The following PIWIL1 variants were observed in gnomAD, a reference collection of about 807,000 sequenced individuals.
PIWIL1 encodes the protein piwi-like protein 1.
Under a neutral mutation model 114.4 loss-of-function variants are expected in PIWIL1, and 73 were observed. The ratio of observed to expected loss-of-function variants is 0.64; its 90% confidence interval spans 0.53 to 0.78. PIWIL1 has a LOEUF of 0.78. Among genes scored for constraint, PIWIL1 ranks in the 30% least tolerant of loss-of-function variants. The probability of loss-of-function intolerance (pLI) is 0.00; values close to 1 mark genes in which losing one functional copy is unlikely to be tolerated. For missense variants in PIWIL1, 723 were observed against 1,063.1 expected, an observed-to-expected ratio of 0.68 and a Z score of 4.45; for synonymous variants, 375 against 369.0, an observed-to-expected ratio of 1.02 and a Z score of -0.19.
At chr12:130,401,167 G>C in the PIWIL1 span, among the ~76,000 whole-genome samples, 1 of 151,968 alleles carries the variant, frequency 6.6e-6, no homozygotes, top group South Asian at 2.1e-4. Context: ...CCAGGCTGAA[G>C]TGCAGTAGCG....
At chr12:130,365,520 A>C (rs1032188478) in intron 18 of PIWIL1, among the ~76,000 whole-genome samples, 1 of 152,222 alleles carries the variant, frequency 6.6e-6, no homozygotes, top group Admixed American at 6.5e-5. Flanking sequence ...TGTTTGTCTA[A>C]TAGTTATCAT....
chr12:130,423,493 T>C, the PIWIL1 span, among the ~76,000 whole-genome samples: 1 of 151,996 alleles, frequency 6.6e-6, no homozygotes, highest in Non-Finnish European at 1.5e-5. Flanking sequence ...GAGGACACAA[T>C]ATAGAGATGA....
the PIWIL1 span, among the ~76,000 whole-genome samples, chr12:130,408,475 C>T: frequency 3.9e-5 from 6 of 152,324 alleles, no homozygotes; most frequent in South Asian, 2.1e-4. Context: ...TGCATTCCCA[C>T]GGCCTGGCTC....
the PIWIL1 span, among the ~76,000 whole-genome samples, chr12:130,381,597 G>C: frequency 6.6e-6 from 1 of 152,086 alleles, no homozygotes; most frequent in African/African-American, 2.4e-5. Flanking sequence ...CCAAGTTTTG[G>C]CAAATATGAA....
At chr12:130,368,862 A>C (rs1378406449) in intron 19 of PIWIL1, among the ~76,000 whole-genome samples, 2 of 151,964 alleles carry the variant, frequency 1.3e-5, no homozygotes, top group African/African-American at 4.8e-5. Flanking sequence ...TGCTATTCGG[A>C]CACCTGGAGA....
chr12:130,424,196 A>G, the PIWIL1 span: 6 of 1,231,962 alleles, frequency 4.9e-6, no homozygotes, highest in Non-Finnish European at 6.1e-6. This position sits in a 1 kb window ranked among gnomAD's most constrained non-coding sequence, Gnocchi z 9.8. Context: ...CAGCTGCCCT[A>G]CTGTCGGGCA....
intron 3 of PIWIL1, among the ~76,000 whole-genome samples, chr12:130,344,182 A>AT (rs1056748876): frequency 4.6e-5 from 7 of 152,230 alleles, no homozygotes; most frequent in Admixed American, 1.3e-4. Flanking sequence ...CCAGAACTGA[A>AT]TTTTTTTAAG....
chr12:130,421,538 C>T, the PIWIL1 span, among the ~76,000 whole-genome samples: 1 of 152,190 alleles, frequency 6.6e-6, no homozygotes, highest in Non-Finnish European at 1.5e-5. Flanking sequence ...AGACCAATGG[C>T]CTTTTAAACT....
In PIWIL1 at chr12:130,371,639, C is replaced by A; in HGVS notation, c.*41C>A. 1 of 1,269,670 alleles carries A rather than the reference C, an allele frequency of 7.9e-7. No homozygotes were observed. Among genetic ancestry groups the A allele is most frequent in the Non-Finnish European group, 1.1e-6 (1 of 894,966 alleles). The allele number at this position is 1,269,670 out of a possible 1,614,324, so 78.7% of individuals were successfully genotyped here. ...GCAGCCGCTTTTCTTTTTGAAATGA[C>A]TTTGGGATTTTTTTAAGCTTTTATT... On this transcript the variant is annotated 3_prime_UTR_variant, in exon 21 of 21. Coordinates refer to ENST00000245255, the MANE Select transcript of PIWIL1 (RefSeq NM_004764.5).
chr12:130,424,289 C>T, the PIWIL1 span: 1 of 1,231,490 alleles, frequency 8.1e-7, no homozygotes, highest in Non-Finnish European at 1.0e-6. This position sits in a 1 kb window ranked among gnomAD's most constrained non-coding sequence, Gnocchi z 9.8. Flanking sequence ...GGGGCGGCCT[C>T]TCCGGGCCGG....
intron 18 of PIWIL1, 121 bp from the exon 19 acceptor site, chr12:130,367,012 C>A: frequency 3.5e-6 from 4 of 1,135,082 alleles, no homozygotes; most frequent in Non-Finnish European, 5.1e-6. Flanking sequence ...ACAACCTGGA[C>A]AGATGATACG....
chr12:130,412,796 AAG>A, the PIWIL1 span: 11 of 1,605,628 alleles, frequency 6.9e-6, no homozygotes, highest in East Asian at 2.5e-4. Flanking sequence ...ACCTAGAGCC[AAG>A]GGGGAAAATA....
At chr12:130,424,265 G>A in the PIWIL1 span, 1 of 1,231,666 alleles carries the variant, frequency 8.1e-7, no homozygotes, top group African/African-American at 1.6e-5. This position sits in a 1 kb window ranked among gnomAD's most constrained non-coding sequence, Gnocchi z 9.8. Flanking sequence ...GCTCGCCCCA[G>A]CCGTGCTTCC....
the PIWIL1 span, chr12:130,421,033 A>C: frequency 6.6e-6 from 1 of 152,056 alleles, no homozygotes; most frequent in South Asian, 2.1e-4. Flanking sequence ...TCTCACCCTA[A>C]CCACAGAGAG....
chr12:130,400,005 C>G, the PIWIL1 span, among the ~76,000 whole-genome samples: 1 of 152,170 alleles, frequency 6.6e-6, no homozygotes, highest in East Asian at 1.9e-4. Context: ...TCCTAAGCCC[C>G]TTTCCTGGGG....
At chr12:130,343,540 G>A (rs541529520) in intron 3 of PIWIL1, among the ~76,000 whole-genome samples, 132 of 151,014 alleles carry the variant, frequency 8.7e-4, no homozygotes, top group Non-Finnish European at 1.5e-3. Context: ...ATTAATATAA[G>A]TTTAACAGAT....
At chr12:130,423,830 C>T in the PIWIL1 span, among the ~76,000 whole-genome samples, 1 of 151,718 alleles carries the variant, frequency 6.6e-6, no homozygotes, top group Admixed American at 6.6e-5. Context: ...TGTTGCCAAA[C>T]TTTCAGATAA....
chr12:130,347,894 T>A (rs1032792115), intron 6 of PIWIL1, among the ~76,000 whole-genome samples: 6 of 152,140 alleles, frequency 3.9e-5, no homozygotes, highest in Non-Finnish European at 8.8e-5. Flanking sequence ...AGATAATTCA[T>A]GTATCATGAA....
the PIWIL1 span, among the ~76,000 whole-genome samples, chr12:130,418,380 C>T: frequency 1.1e-4 from 16 of 152,258 alleles, no homozygotes; most frequent in African/African-American, 3.4e-4. Context: ...GAATGTGAAG[C>T]GCTCCATGGC....
Sources: allele counts gnomAD v4.1 joint callset (sites outside exome capture counted in the v4.1 genomes callset), GRCh38; gene constraint gnomAD v4.1.1; non-coding constraint Gnocchi (gnomAD v3.1); transcripts MANE v1.5; gene names NCBI Gene and HGNC (gene_info 2026-07-23, HGNC 2026-07-21).